CHN2: variants seen among roughly 807,000 people sequenced by gnomAD.
CHN2 encodes beta-chimaerin.
Under a neutral mutation model 56.3 loss-of-function variants are expected in CHN2, and 35 were observed. That is an observed-to-expected ratio of 0.62 (90% CI 0.47 to 0.82). The LOEUF is 0.82. CHN2 is among the 40% of genes least tolerant of loss of function. CHN2 has a pLI of 0.00. For missense variants in CHN2, 491 were observed against 580.5 expected, an observed-to-expected ratio of 0.85 and a Z score of 1.58; for synonymous variants, 210 against 212.8, an observed-to-expected ratio of 0.99 and a Z score of 0.12.
At chr7:29,407,739 C>T (rs559555989) in intron 6 of CHN2, among the ~76,000 whole-genome samples, 49 of 152,324 alleles carry the variant, frequency 3.2e-4, no homozygotes, top group Admixed American at 7.2e-4. Context: ...ACTTAGATTA[C>T]ATCCGCTCAT....
chr7:29,173,948 T>TA (rs1796933939), intron 2 of CHN2, among the ~76,000 whole-genome samples: 2 of 142,544 alleles, frequency 1.4e-5, no homozygotes, highest in Non-Finnish European at 1.5e-5. Context: ...GGAGACTGAC[T>TA]CAAAAAAAAA....
At chr7:29,236,649 C>A (rs911968884) in intron 1 of CHN2, among the ~76,000 whole-genome samples, 9 of 152,198 alleles carry the variant, frequency 5.9e-5, no homozygotes, top group South Asian at 2.1e-4. Context: ...GCTGCTATAA[C>A]AAATTATCTC....
At chr7:29,379,804 A>G (rs1800353199) in intron 3 of CHN2, among the ~76,000 whole-genome samples, 2 of 152,206 alleles carry the variant, frequency 1.3e-5, no homozygotes, top group Non-Finnish European at 2.9e-5. Flanking sequence ...ACTATAAGCC[A>G]TGCTCAAGAA....
intron 1 of CHN2, among the ~76,000 whole-genome samples, chr7:29,208,390 C>T (rs66594806): frequency 0.21 from 31,604 of 152,052 alleles, 3,437 homozygotes; most frequent in Middle Eastern, 0.26. Flanking sequence ...GAACTTCTTC[C>T]TTAAGGTCTC....
intron 2 of CHN2, chr7:29,185,576 C>G (rs1206931181): frequency 1.3e-5 from 2 of 151,746 alleles, no homozygotes; most frequent in Non-Finnish European, 2.9e-5. Context: ...CTTATCAAAC[C>G]TTAGCAGCAT....
chr7:29,512,695 T>C lies in CHN2; in HGVS notation c.1367T>C (p.Ile456Thr), dbSNP rs371167366. Residue 456 changes from isoleucine (I) to threonine (T), a missense_variant, in exon 13 of 13, where the codon ATT becomes ACT. Ile to Thr is a moderately conservative substitution (Grantham distance 89). Transcript: ENST00000222792. ...TLHDMRYQKL[I>T]VQILIENEDV... ...CATGATATGCGGTACCAAAAGCTGA[T>C]TGTGCAGATTTTAATAGAAAACGAA... 88 of 1,614,186 alleles carry C rather than the reference T, an allele frequency of 5.5e-5. No homozygotes were observed. Among genetic ancestry groups the C allele is most frequent in the Non-Finnish European group, 7.0e-5 (83 of 1,180,028 alleles).
At chr7:29,413,112 TTC>T (rs201900917) in intron 6 of CHN2, among the ~76,000 whole-genome samples, 533 of 152,348 alleles carry the variant, frequency 3.5e-3, no homozygotes, top group Middle Eastern at 0.01. Flanking sequence ...CCTGTTGGTT[TTC>T]TCTCTCCTTA....
chr7:29,295,346 C>T (rs1012286086), intron 1 of CHN2, among the ~76,000 whole-genome samples: 1 of 150,634 alleles, frequency 6.6e-6, no homozygotes, highest in Non-Finnish European at 1.5e-5. Context: ...CACACACACA[C>T]AGATTATAAA....
At chr7:29,378,090 G>A (rs1454865783) in intron 3 of CHN2, among the ~76,000 whole-genome samples, 1 of 152,176 alleles carries the variant, frequency 6.6e-6, no homozygotes, top group Non-Finnish European at 1.5e-5. Flanking sequence ...AGGGTTCCAT[G>A]GCTTCTCAAA....
At chr7:29,423,460 C>G (rs1240270790) in intron 6 of CHN2, among the ~76,000 whole-genome samples, 1 of 152,196 alleles carries the variant, frequency 6.6e-6, no homozygotes, top group Non-Finnish European at 1.5e-5. Flanking sequence ...TCAGAATTCC[C>G]TGGGGTCAGC....
Position 29,376,807 on chromosome 7 carries a change from T to C in CHN2, c.144+8820T>C, listed in dbSNP as rs145002248. ...GATGTTATTTTCCACCCTTTAAAAA[T>C]ATTTTGTCTTTCTTCTTTGCTATTT... On this transcript the variant is annotated intron_variant, in intron 3 of 12. Transcript: ENST00000222792. Among the ~76,000 whole-genome samples, 319 of 152,318 alleles carry C rather than the reference T, an allele frequency of 2.1e-3. 1 individual carries two copies. The highest frequency in any genetic ancestry group is 7.3e-3 in the African/African-American group (303 of 41,566).
At chr7:29,504,298 G>A (rs10263598) in intron 9 of CHN2, among the ~76,000 whole-genome samples, 24,972 of 151,988 alleles carry the variant, frequency 0.16, 2,223 homozygotes, top group Admixed American at 0.2. Context: ...CACATCTTAT[G>A]CCTGTATCAA....
At chr7:29,227,535 G>A (rs1429022807) in intron 1 of CHN2, among the ~76,000 whole-genome samples, 2 of 152,130 alleles carry the variant, frequency 1.3e-5, no homozygotes, top group Non-Finnish European at 2.9e-5. Flanking sequence ...AGAACCTCAG[G>A]GATTGGGCCA....
chr7:29,438,701 T>C (rs1199395352), intron 6 of CHN2, among the ~76,000 whole-genome samples: 2 of 152,236 alleles, frequency 1.3e-5, no homozygotes, highest in Non-Finnish European at 2.9e-5. Context: ...TCTCCTCTTA[T>C]GCCATGAGAT....
intron 6 of CHN2, among the ~76,000 whole-genome samples, chr7:29,452,273 C>G (rs1784458815): frequency 6.6e-6 from 1 of 152,124 alleles, no homozygotes; most frequent in African/African-American, 2.4e-5. Flanking sequence ...TCTGACAGAC[C>G]ATCATCTCCT....
chr7:29,416,839 T>A, intron 6 of CHN2, among the ~76,000 whole-genome samples: 1 of 152,232 alleles, frequency 6.6e-6, no homozygotes, highest in East Asian at 1.9e-4. Flanking sequence ...TCATAGAATA[T>A]AAGCAAACTG....
chr7:29,383,149 A>AT (rs1479611676), intron 3 of CHN2, among the ~76,000 whole-genome samples: 5 of 152,208 alleles, frequency 3.3e-5, no homozygotes, highest in Non-Finnish European at 5.9e-5. Flanking sequence ...GCCCTTATAT[A>AT]GTTTCCATTT....
At chr7:29,210,863 G>A (rs1316253236) in intron 1 of CHN2, among the ~76,000 whole-genome samples, 2 of 152,098 alleles carry the variant, frequency 1.3e-5, no homozygotes, top group African/African-American at 4.8e-5. Context: ...GTCCCAATGC[G>A]AGAGTGTACC....
At chr7:29,274,467 C>A (rs3793306) in intron 1 of CHN2, among the ~76,000 whole-genome samples, 25,697 of 152,228 alleles carry the variant, frequency 0.17, 2,723 homozygotes, top group East Asian at 0.43. Flanking sequence ...GTTTATCCAA[C>A]TCATCTGCTA....
Sources: allele counts gnomAD v4.1 joint callset (sites outside exome capture counted in the v4.1 genomes callset), GRCh38; gene constraint gnomAD v4.1.1; transcripts MANE v1.5; gene names NCBI Gene and HGNC (gene_info 2026-07-23, HGNC 2026-07-21).